The following ITPRID1 variants were observed in gnomAD, a reference collection of about 807,000 sequenced individuals.
The protein encoded by ITPRID1 is ITPR interacting domain containing 1.
In ITPRID1, 96 loss-of-function variants were observed where a neutral mutation model predicts 95.4. The observed-to-expected ratio is 1.01, with a 90% confidence interval of 0.85 to 1.19. ITPRID1 has a LOEUF of 1.19. Ranked by LOEUF, ITPRID1 falls within the 50% of genes most tolerant of loss-of-function variation. The pLI, the probability that ITPRID1 is intolerant of heterozygous loss-of-function variation, is 0.00. For synonymous variants in ITPRID1, 510 were observed against 453.6 expected (o/e 1.12, Z -1.58); for missense variants, 1,339 against 1,252.9 (o/e 1.07, Z -1.04).
chr7:31,643,998 G>A, intron 12 of ITPRID1, 45 bp downstream of exon 12: 1 of 1,499,880 alleles, frequency 6.7e-7, no homozygotes. Context: ...ATGCACCCGT[G>A]ATAAACACCT....
chr7:31,614,796 C>T (rs986952713), intron 10 of ITPRID1, among the ~76,000 whole-genome samples: 2 of 152,134 alleles, frequency 1.3e-5, no homozygotes, highest in African/African-American at 4.8e-5. Context: ...GGTTTGAGAA[C>T]AGTCATGGAT....
intron 1 of ITPRID1, among the ~76,000 whole-genome samples, chr7:31,540,174 G>A (rs187808357): frequency 2.0e-5 from 3 of 152,276 alleles, no homozygotes; most frequent in African/African-American, 2.4e-5. Flanking sequence ...GACTGTAGGA[G>A]TAACACCGTC....
At chr7:31,635,313 A>G (rs1789379536) in intron 10 of ITPRID1, among the ~76,000 whole-genome samples, 1 of 152,288 alleles carries the variant, frequency 6.6e-6, no homozygotes, top group East Asian at 1.9e-4. Context: ...TCTTGAAGAA[A>G]CTAAACCATC....
intron 10 of ITPRID1, among the ~76,000 whole-genome samples, chr7:31,632,661 A>G (rs1296932022): frequency 6.6e-6 from 1 of 152,140 alleles, no homozygotes; most frequent in East Asian, 1.9e-4. Flanking sequence ...GGCTGTGTGT[A>G]TGGAAGTGAA....
At position 31,656,273 on chromosome 7, in the gene ITPRID1, A is replaced by G. The variant is rs1437149857; in HGVS notation, c.*3444A>G. 1 of 174,718 alleles carries G rather than the reference A, an allele frequency of 5.7e-6. No individual in the cohort carries two copies. The highest frequency in any genetic ancestry group is 2.4e-5 in the African/African-American group (1 of 41,826). 10.8% of individuals were successfully genotyped at this position (174,718 alleles called of 1,614,324 possible). A position where few individuals can be genotyped will look rare whatever the true frequency, so the allele number is the denominator to read the frequency against. ...GTTTAAGAGAGACTATCTGGAGGAA[A>G]GTACAGACTCCTTTCTTTATCATGT... On this transcript the variant is annotated 3_prime_UTR_variant, in exon 15 of 15. Transcript: ENST00000615280.
intron 7 of ITPRID1, among the ~76,000 whole-genome samples, chr7:31,572,761 A>G (rs1012911035): frequency 5.3e-5 from 8 of 152,172 alleles, no homozygotes; most frequent in Non-Finnish European, 8.8e-5. Context: ...TTAAAAAGTT[A>G]ATGATATTTT....
intron 1 of ITPRID1, among the ~76,000 whole-genome samples, chr7:31,516,559 T>C (rs1472625030): frequency 6.6e-6 from 1 of 152,174 alleles, no homozygotes; most frequent in African/African-American, 2.4e-5. Context: ...CGGCTTGCTC[T>C]AACAGACACA....
chr7:31,566,299 C>T (rs1784798463), intron 5 of ITPRID1, among the ~76,000 whole-genome samples: 1 of 152,220 alleles, frequency 6.6e-6, no homozygotes, highest in Non-Finnish European at 1.5e-5. Context: ...TCGTGCAATG[C>T]ACTGTGGCTA....
At position 31,581,503 on chromosome 7, in the gene ITPRID1, C is replaced by T. The variant is rs575649975; in HGVS notation, c.1171-1631C>T. The stretch of plus-strand genomic sequence containing the variant: ...CATAATAAATGATTTTTAGCTTTCC[C>T]TCCTGTTTGCATATAAGCATCATAT... On this transcript the variant is annotated intron_variant, in intron 9 of 14. Transcript: ENST00000615280. Among the ~76,000 whole-genome samples the T allele has an allele frequency of 2.6e-5, 4 of 152,218 alleles. No individual in the cohort carries two copies. The East Asian group carries it at 5.8e-4, about 22-fold the overall frequency.
intron 2 of ITPRID1, among the ~76,000 whole-genome samples, chr7:31,550,375 C>G (rs2128135739): frequency 6.6e-6 from 1 of 152,180 alleles, no homozygotes; most frequent in East Asian, 1.9e-4. Flanking sequence ...ATGAGGATTC[C>G]TCTTGGGGAC....
At chr7:31,605,699 G>T (rs1430276136) in intron 10 of ITPRID1, among the ~76,000 whole-genome samples, 4 of 152,200 alleles carry the variant, frequency 2.6e-5, no homozygotes, top group Non-Finnish European at 4.4e-5. Flanking sequence ...TCTCATAACT[G>T]ATCTTATTCT....
At chr7:31,530,991 T>C (rs1201100884) in intron 1 of ITPRID1, among the ~76,000 whole-genome samples, 1 of 152,236 alleles carries the variant, frequency 6.6e-6, no homozygotes, top group African/African-American at 2.4e-5. Flanking sequence ...TGGGAGATAT[T>C]GATACTTTGT....
At chr7:31,525,362 C>T (rs1783391219) in intron 1 of ITPRID1, among the ~76,000 whole-genome samples, 1 of 152,178 alleles carries the variant, frequency 6.6e-6, no homozygotes, top group Non-Finnish European at 1.5e-5. Context: ...GGTAGGGCTA[C>T]ATCCTTGGCC....
intron 1 of ITPRID1, among the ~76,000 whole-genome samples, chr7:31,528,624 T>C (rs1023834145): frequency 3.9e-5 from 6 of 152,172 alleles, no homozygotes; most frequent in African/African-American, 1.2e-4. Flanking sequence ...CAGAATAGGC[T>C]GAGGGCTAGT....
chr7:31,620,089 A>T (rs547424260), intron 10 of ITPRID1, among the ~76,000 whole-genome samples: 6 of 152,314 alleles, frequency 3.9e-5, no homozygotes, highest in Middle Eastern at 3.4e-3. Context: ...TTGATTAGGT[A>T]AACAAAGCAG....
intron 10 of ITPRID1, among the ~76,000 whole-genome samples, chr7:31,599,662 T>TTCTTTCTTTCTCTC (rs1369270186): frequency 3.2e-5 from 1 of 31,354 alleles, no homozygotes; most frequent in African/African-American, 7.5e-5. Context: ...TTTCTTTCCT[T>TTCTTTCTTTCTCTC]TCTCTCTCTC....
At chr7:31,587,525 G>A (rs905923533) in intron 10 of ITPRID1, among the ~76,000 whole-genome samples, 3 of 145,570 alleles carry the variant, frequency 2.1e-5, no homozygotes, top group Admixed American at 1.4e-4. Flanking sequence ...CCATGCTCAT[G>A]GGTAGGAAGA....
chr7:31,514,781 C>A (rs995643342), intron 1 of ITPRID1, among the ~76,000 whole-genome samples: 1 of 151,680 alleles, frequency 6.6e-6, no homozygotes, highest in Non-Finnish European at 1.5e-5. Context: ...ATGTTCCAAC[C>A]AGACTAGATA....
chr7:31,577,986 C>T lies in ITPRID1; in HGVS notation c.722C>T (p.Thr241Ile), dbSNP rs1270110512. 6.2e-7 allele frequency: 1 copy of T among 1,613,758 alleles called. No individual in the cohort carries two copies. The highest frequency in any genetic ancestry group is 1.3e-5 in the African/African-American group (1 of 75,004). The change falls in exon 9 of 15, where the codon ACC becomes ATC. Residue 241 changes from threonine to isoleucine, a missense_variant. Physicochemically the swap from Thr to Ile is moderately conservative, Grantham distance 89. Transcript: ENST00000615280. ...GCTGGAGGAGAGAGTGTGCAAAGAA[C>T]CTCAGTGAGTGCCGCCAAAGAGCAT... The part of the protein sequence containing the change: ...EKAGGESVQR[T>I]SVSAAKEHRR...
Sources: allele counts gnomAD v4.1 joint callset (sites outside exome capture counted in the v4.1 genomes callset), GRCh38; gene constraint gnomAD v4.1.1; transcripts MANE v1.5; gene names NCBI Gene and HGNC (gene_info 2026-07-23, HGNC 2026-07-21).